The following GRIK2 variants were observed in gnomAD, a reference collection of about 807,000 sequenced individuals.
GRIK2 encodes the protein glutamate ionotropic receptor kainate type subunit 2.
A neutral mutation model predicts 100.3 loss-of-function variants in GRIK2; 32 were observed. That is an observed-to-expected ratio of 0.32 (90% confidence interval 0.24 to 0.43). The LOEUF (loss-of-function observed/expected upper bound fraction) is 0.43. Ranked by LOEUF, GRIK2 falls within the 20% of genes least tolerant of loss-of-function variation. GRIK2 has a pLI of 1.00. For synonymous variants in GRIK2, 417 were observed against 389.4 expected, an observed-to-expected ratio of 1.07 and a Z score of -0.83; for missense variants, 843 against 1,114.9, an observed-to-expected ratio of 0.76 and a Z score of 3.47.
At chr6:101,714,790 G>A (rs1773947159) in intron 7 of GRIK2, among the ~76,000 whole-genome samples, 1 of 151,526 alleles carries the variant, frequency 6.6e-6, no homozygotes, top group Non-Finnish European at 1.5e-5. Context: ...AAAATTCTTA[G>A]AAATTATTGT....
chr6:101,549,760 T>C (rs1776419130), intron 2 of GRIK2, among the ~76,000 whole-genome samples: 1 of 152,148 alleles, frequency 6.6e-6, no homozygotes. Context: ...AAACTAACAC[T>C]TGTTTGAGTG....
At chr6:101,398,755 T>G in intron 1 of GRIK2, 3 of 346,520 alleles carry the variant, frequency 8.7e-6, no homozygotes, top group South Asian at 1.5e-4. Flanking sequence ...GCATAATAGA[T>G]ATTGGGGAGC....
At chr6:101,940,714 T>G (rs1289403314) in intron 14 of GRIK2, among the ~76,000 whole-genome samples, 1 of 152,144 alleles carries the variant, frequency 6.6e-6, no homozygotes, top group Non-Finnish European at 1.5e-5. Flanking sequence ...AAAGTAGTAG[T>G]GTACTCTAAA....
At chr6:101,424,477 T>C (rs1776592499) in intron 2 of GRIK2, among the ~76,000 whole-genome samples, 1 of 151,854 alleles carries the variant, frequency 6.6e-6, no homozygotes, top group Non-Finnish European at 1.5e-5. Context: ...GCTTCATCCA[T>C]GTCCCTACAA....
intron 14 of GRIK2, among the ~76,000 whole-genome samples, chr6:101,930,604 T>C (rs992070922): frequency 6.6e-6 from 1 of 152,074 alleles, no homozygotes; most frequent in African/African-American, 2.4e-5. Context: ...CTCAAATATT[T>C]TGTTTTAAAG....
rs140771507 is a variant in GRIK2, at chr6:102,037,905, A to G, written c.2311+2339A>G. The stretch of plus-strand genomic sequence containing the variant: ...ATTTGTGATGCACAACTTCTTTGAT[A>G]ATTTTTGAAATATGTTTTTTCCTAG... On this transcript the variant is annotated intron_variant, in intron 15 of 16. Coordinates refer to ENST00000369134, the MANE Select transcript of GRIK2 (RefSeq NM_021956.5). 4.9e-3 allele frequency among the ~76,000 whole-genome samples: 746 copies of G among 151,452 alleles called. 9 individuals carry two copies. The highest frequency in any genetic ancestry group is 0.014 in the Middle Eastern group (4 of 294).
chr6:101,998,580 T>G (rs1371801024), intron 14 of GRIK2, among the ~76,000 whole-genome samples: 1 of 152,038 alleles, frequency 6.6e-6, no homozygotes, highest in Non-Finnish European at 1.5e-5. Context: ...CTGCTATATT[T>G]TCTTCTAGAA....
At chr6:101,949,746 G>C (rs898894290) in intron 14 of GRIK2, among the ~76,000 whole-genome samples, 1 of 152,056 alleles carries the variant, frequency 6.6e-6, no homozygotes, top group Non-Finnish European at 1.5e-5. Flanking sequence ...TCTTTATCCA[G>C]TCTATCATTG....
chr6:101,787,015 T>G (rs1779469024), intron 7 of GRIK2, among the ~76,000 whole-genome samples: 1 of 152,066 alleles, frequency 6.6e-6, no homozygotes. Context: ...CCTGTTCAGT[T>G]TTTCTACTTC....
chr6:101,502,672 G>A (rs1348898489), intron 2 of GRIK2, among the ~76,000 whole-genome samples: 2 of 152,066 alleles, frequency 1.3e-5, no homozygotes, highest in Non-Finnish European at 2.9e-5. Context: ...GATTCCTTTT[G>A]GGAAGAGATT....
chr6:101,717,611 T>G (rs566992382), intron 7 of GRIK2, among the ~76,000 whole-genome samples: 5 of 151,960 alleles, frequency 3.3e-5, no homozygotes, highest in African/African-American at 1.2e-4. Flanking sequence ...AAGACATGTA[T>G]GTACTAGCTT....
chr6:101,885,911 C>T (rs1159625325), intron 11 of GRIK2, among the ~76,000 whole-genome samples: 1 of 152,124 alleles, frequency 6.6e-6, no homozygotes. Context: ...ATTATTGATA[C>T]ATTTATGATT....
At chr6:102,062,331 T>C (rs1231085268) in intron 16 of GRIK2, among the ~76,000 whole-genome samples, 1 of 150,494 alleles carries the variant, frequency 6.6e-6, no homozygotes, top group Non-Finnish European at 1.5e-5. Flanking sequence ...TTAGCAAGAA[T>C]AGAGTCCAGG....
intron 2 of GRIK2, among the ~76,000 whole-genome samples, chr6:101,611,038 ATAT>A (rs1289035912): frequency 6.6e-6 from 1 of 151,716 alleles, no homozygotes; most frequent in East Asian, 1.9e-4. Flanking sequence ...TTTAAAATTA[ATAT>A]TATTTGCATG....
At chr6:101,498,525 A>C (rs1352574462) in intron 2 of GRIK2, among the ~76,000 whole-genome samples, 1 of 149,896 alleles carries the variant, frequency 6.7e-6, no homozygotes, top group Non-Finnish European at 1.5e-5. Context: ...CCTCTCCAGC[A>C]CCTGTTGTTT....
rs181828182 is a variant in GRIK2, at chr6:101,794,190, C to T, written c.952-5458C>T. ...AGTGAGGCAATGCCTCGCCCTGCTT[C>T]GGCTCGCGCACAGTGCACTGCACTG... On this transcript the variant is annotated intron_variant, in intron 7 of 16. Coordinates refer to ENST00000369134, the MANE Select transcript of GRIK2 (RefSeq NM_021956.5). 2.5e-4 allele frequency among the ~76,000 whole-genome samples: 38 copies of T among 152,246 alleles called. 1 individual carries two copies. The East Asian group carries it at 6.0e-3, about 24-fold the overall frequency.
chr6:102,061,512 G>A (rs1436183231), intron 16 of GRIK2, among the ~76,000 whole-genome samples: 1 of 150,358 alleles, frequency 6.7e-6, no homozygotes, highest in African/African-American at 2.4e-5. Context: ...TATGGATTAG[G>A]AGTTTGAATT....
At chr6:102,034,459 A>G (rs1018432789) in intron 14 of GRIK2, among the ~76,000 whole-genome samples, 3 of 151,412 alleles carry the variant, frequency 2.0e-5, no homozygotes, top group African/African-American at 7.3e-5. Context: ...TTGTAACTTC[A>G]GGATTATTTT....
intron 14 of GRIK2, among the ~76,000 whole-genome samples, chr6:102,003,563 T>C (rs924547543): frequency 6.6e-6 from 1 of 151,874 alleles, no homozygotes; most frequent in African/African-American, 2.4e-5. Context: ...ATATCCCAAA[T>C]ATATGACATA....
Sources: allele counts gnomAD v4.1 joint callset (sites outside exome capture counted in the v4.1 genomes callset), GRCh38; gene constraint gnomAD v4.1.1; transcripts MANE v1.5; gene names NCBI Gene and HGNC (gene_info 2026-07-23, HGNC 2026-07-21).